Variants in SOX5 observed in about 807,000 individuals in gnomAD.
The protein encoded by SOX5 is transcription factor SOX-5.
SOX5 carries 9 observed loss-of-function variants against 92.0 expected under a neutral mutation model. The ratio of observed to expected loss-of-function variants is 0.10; its 90% CI spans 0.06 to 0.17. The LOEUF (loss-of-function observed/expected upper bound fraction) is 0.17, where lower values mean the gene tolerates loss of function less well. SOX5 is among the 10% of genes least tolerant of loss of function. SOX5 has a pLI of 1.00. For synonymous variants in SOX5, 344 were observed against 336.3 expected (o/e 1.02, Z -0.25); for missense variants, 642 against 944.5 (o/e 0.68, Z 4.20).
intron 4 of SOX5, among the ~76,000 whole-genome samples, chr12:24,128,317 C>T (rs1203910516): frequency 6.6e-6 from 1 of 152,212 alleles, no homozygotes; most frequent in African/African-American, 2.4e-5. Flanking sequence ...GTGCTATTAA[C>T]AGGACCCTGT....
At chr12:24,026,599 CAA>C (rs5797058) in intron 4 of SOX5, among the ~76,000 whole-genome samples, 40 of 123,776 alleles carry the variant, frequency 3.2e-4, no homozygotes, top group Middle Eastern at 4.0e-3. Flanking sequence ...GAAAAAAAAG[CAA>C]AAAAAAAAAA....
intron 3 of SOX5, among the ~76,000 whole-genome samples, chr12:23,761,156 C>T (rs578147243): frequency 2.6e-4 from 39 of 152,142 alleles, no homozygotes; most frequent in South Asian, 8.3e-4. Flanking sequence ...AAAGTAAAAG[C>T]ACATGTAGAC....
intron 4 of SOX5, among the ~76,000 whole-genome samples, chr12:23,970,841 A>ATATATTTTTTTTTTTTTTTTT: frequency 1.8e-4 from 4 of 21,884 alleles, no homozygotes; most frequent in African/African-American, 2.5e-4. Context: ...TATATATATA[A>ATATATTTTTTTTTTTTTTTTT]TTTTTTTTTT....
At chr12:24,476,552 T>C (rs1443721166) in intron 1 of SOX5, among the ~76,000 whole-genome samples, 1 of 152,168 alleles carries the variant, frequency 6.6e-6, no homozygotes, top group East Asian at 1.9e-4. Context: ...ACCTGAACTG[T>C]AGTGAACCTA....
At chr12:24,504,404 G>C (rs548013509) in intron 1 of SOX5, among the ~76,000 whole-genome samples, 2 of 152,032 alleles carry the variant, frequency 1.3e-5, no homozygotes, top group Non-Finnish European at 2.9e-5. Flanking sequence ...TCACTAAAAG[G>C]CTTTTCACTT....
intron 1 of SOX5, among the ~76,000 whole-genome samples, chr12:24,384,982 C>T (rs1056366265): frequency 1.3e-5 from 2 of 152,034 alleles, no homozygotes; most frequent in African/African-American, 4.8e-5. Flanking sequence ...CACATCATCA[C>T]AAGAAGAAAG....
intron 1 of SOX5, among the ~76,000 whole-genome samples, chr12:24,526,478 A>G (rs1950721509): frequency 6.6e-6 from 1 of 152,192 alleles, no homozygotes; most frequent in African/African-American, 2.4e-5. Context: ...TATATAATGC[A>G]GGTGGGTGCG....
intron 4 of SOX5, among the ~76,000 whole-genome samples, chr12:24,122,760 C>T (rs1312769239): frequency 2.0e-5 from 3 of 152,092 alleles, no homozygotes; most frequent in African/African-American, 7.2e-5. Flanking sequence ...GTTTCCATTT[C>T]TTTCCTGAAA....
At chr12:23,678,722 C>A (rs1039056307) in intron 6 of SOX5, among the ~76,000 whole-genome samples, 2 of 141,552 alleles carry the variant, frequency 1.4e-5, no homozygotes, top group African/African-American at 5.2e-5. Flanking sequence ...ATTTTCATCA[C>A]CCCTATTTTA....
rs1197053163 is a variant in SOX5, at chr12:23,648,009, G to T, written c.932-7112C>A. Among the ~76,000 whole-genome samples the T allele has an allele frequency of 6.6e-5, 10 of 152,220 alleles. No individual in the cohort carries two copies. In the East Asian group the frequency reaches 1.9e-3, roughly 29 times the overall value. Reference sequence around the variant, plus strand: ...TAGCTTTTAGCCTGCCCCATCTTTTGACACACCTTCTTCATCAAGCTCAAT... The same window carrying T: ...TAGCTTTTAGCCTGCCCCATCTTTTTACACACCTTCTTCATCAAGCTCAAT... On this transcript the variant is annotated intron_variant, in intron 7 of 14. Coordinates refer to ENST00000451604, the MANE Select transcript of SOX5 (RefSeq NM_006940.6).
At chr12:24,091,317 C>G (rs1162614630) in intron 4 of SOX5, among the ~76,000 whole-genome samples, 1 of 151,824 alleles carries the variant, frequency 6.6e-6, no homozygotes, top group African/African-American at 2.4e-5. Context: ...TATACTGTAT[C>G]ATTGGTGTTT....
chr12:24,091,428 A>ATTTTTTT (rs556198750), intron 4 of SOX5, among the ~76,000 whole-genome samples: 67 of 122,642 alleles, frequency 5.5e-4, no homozygotes, highest in African/African-American at 1.3e-3. Flanking sequence ...AGAGAATGCT[A>ATTTTTTT]TTTTTTTTTT....
rs372495033 is a variant in SOX5, at chr12:24,210,928, A to C, written c.-2+2415T>G. Reference sequence around the variant, plus strand: ...CTTGTAAGTGAGACTGATCCTTAAAACATATGAACCATAACATGCTCCTCA... The same window carrying C: ...CTTGTAAGTGAGACTGATCCTTAAACCATATGAACCATAACATGCTCCTCA... On this transcript the variant is annotated intron_variant, in intron 4 of 4. Transcript: ENST00000446891. Among the ~76,000 whole-genome samples the C allele has an allele frequency of 2.6e-4, 40 of 152,294 alleles. No homozygotes were observed. In the South Asian group the frequency reaches 6.2e-3, roughly 24 times the overall value.
At chr12:23,829,657 C>A (rs1208868673) in intron 3 of SOX5, among the ~76,000 whole-genome samples, 1 of 152,036 alleles carries the variant, frequency 6.6e-6, no homozygotes, top group Non-Finnish European at 1.5e-5. Flanking sequence ...ATCTGAGGGA[C>A]TTAAGAAGTA....
At chr12:23,740,805 C>A (rs1231839079) in intron 5 of SOX5, 62 bp downstream of exon 5, 2 of 1,385,048 alleles carry the variant, frequency 1.4e-6, no homozygotes, top group Admixed American at 1.8e-5. Flanking sequence ...AGGACAGTGA[C>A]CTATAAGTAG....
intron 6 of SOX5, among the ~76,000 whole-genome samples, chr12:23,683,016 T>C (rs752396994): frequency 3.3e-5 from 5 of 151,906 alleles, no homozygotes; most frequent in African/African-American, 4.8e-5. Flanking sequence ...TTTTAATGTA[T>C]ATTAAAACCA....
chr12:24,503,807 C>T (rs952826427), intron 1 of SOX5, among the ~76,000 whole-genome samples: 5 of 152,118 alleles, frequency 3.3e-5, no homozygotes, highest in African/African-American at 4.8e-5. Flanking sequence ...GGCAACATCA[C>T]ACACCAGGGC....
chr12:23,796,790 A>G (rs899905965), intron 3 of SOX5, among the ~76,000 whole-genome samples: 1 of 151,022 alleles, frequency 6.6e-6, no homozygotes, highest in African/African-American at 2.4e-5. Context: ...ACTCATTCTT[A>G]TATAGTGGTG....
At chr12:24,276,010 ACTGT>A (rs1595066136) in intron 3 of SOX5, among the ~76,000 whole-genome samples, 5 of 152,056 alleles carry the variant, frequency 3.3e-5, no homozygotes, top group Admixed American at 6.6e-5. Flanking sequence ...TTAAGATATC[ACTGT>A]CTTTCTTATA....
Sources: gnomAD v4.1 joint callset for allele counts (sites outside exome capture counted in the v4.1 genomes callset) on GRCh38, gnomAD v4.1.1 for gene constraint, MANE v1.5 for transcripts, NCBI Gene and HGNC (gene_info 2026-07-23, HGNC 2026-07-21) for gene names.